Variants in CCKBR observed in about 807,000 individuals in gnomAD.
The protein encoded by CCKBR is gastrin/cholecystokinin type B receptor.
Under a neutral mutation model 34.6 loss-of-function variants are expected in CCKBR, and 33 were observed. The ratio of observed to expected loss-of-function variants is 0.95; its 90% confidence interval spans 0.72 to 1.27. The LOEUF (loss-of-function observed/expected upper bound fraction) is 1.27, where lower values mean the gene tolerates loss of function less well. CCKBR is among the 50% of genes most tolerant of loss of function. The pLI is 0.00. For missense variants in CCKBR, 652 were observed against 617.4 expected, an observed-to-expected ratio of 1.06 and a Z score of -0.59; for synonymous variants, 269 against 267.5, an observed-to-expected ratio of 1.01 and a Z score of -0.06.
At position 6,271,600 on chromosome 11, in the gene CCKBR, A is replaced by G; in HGVS notation, c.*57A>G. ...GCAAATGACATGCACTGACCCTTCC[A>G]GACATACGAAACACAAACCACAACT... On this transcript the variant is annotated 3_prime_UTR_variant, in exon 5 of 5. Transcript: ENST00000334619. 6.8e-7 allele frequency: 1 copy of G among 1,470,424 alleles called. No individual in the cohort carries two copies. Among genetic ancestry groups the G allele is most frequent in the South Asian group, 1.3e-5 (1 of 74,796 alleles). The allele number at this position is 1,470,424 out of a possible 1,614,324, so 91.1% of individuals were successfully genotyped here. A position where few individuals can be genotyped will look rare whatever the true frequency, so the allele number is the denominator to read the frequency against.
chr11:6,271,916 CTGAT>C lies in CCKBR; in HGVS notation c.*375_*378del. 1 of 223,872 alleles carries C rather than the reference CTGAT, an allele frequency of 4.5e-6. No homozygotes were observed. The highest frequency in any genetic ancestry group is 1.3e-4 in the South Asian group (1 of 7,520). 13.9% of individuals were successfully genotyped at this position (223,872 alleles called of 1,614,324 possible). ...AGAGACTATGGAGCCTGGCACAGGACTGATTCTGGGATGCTCCTAGTTTGACCTC... is the reference window on the plus strand; with the variant it reads ...AGAGACTATGGAGCCTGGCACAGGACTCTGGGATGCTCCTAGTTTGACCTC... On this transcript the variant is annotated 3_prime_UTR_variant, in exon 5 of 5. Coordinates refer to ENST00000334619, the MANE Select transcript of CCKBR (RefSeq NM_176875.4).
At chr11:6,268,527 C>T (rs1330236974) in intron 1 of CCKBR, among the ~76,000 whole-genome samples, 1 of 152,222 alleles carries the variant, frequency 6.6e-6, no homozygotes, top group African/African-American at 2.4e-5. Context: ...CTGCCTCACA[C>T]AGGTGTCCCT....
intron 1 of CCKBR, among the ~76,000 whole-genome samples, chr11:6,267,733 T>C (rs1590669906): frequency 6.6e-6 from 1 of 152,230 alleles, no homozygotes; most frequent in Non-Finnish European, 1.5e-5. Flanking sequence ...ACAGTAGGTT[T>C]GTTTATACCA....
rs573835273 is a variant in CCKBR at position 6,271,513 on chromosome 11, C to T, written c.1314C>T (p.Tyr438=). The change falls in exon 5 of 5, where the codon TAC becomes TAT. Residue 438 remains tyrosine (Y), a synonymous_variant. Transcript: ENST00000334619. ...TTGCTTCGCTGTCCAGGCTTAGCTA[C>T]ACCACCATCAGCACACTGGGCCCTG... is the stretch of plus-strand genomic sequence containing the variant. ...PSIASLSRLS[Y]TTISTLGPG The T allele has an allele frequency of 3.1e-6, 5 of 1,605,116 alleles. No homozygotes were observed. Among genetic ancestry groups the T allele is most frequent in the Admixed American group, 1.7e-5 (1 of 59,728 alleles).
At chr11:6,263,110 T>C (rs1848161278) in intron 1 of CCKBR, among the ~76,000 whole-genome samples, 1 of 152,224 alleles carries the variant, frequency 6.6e-6, no homozygotes, top group Non-Finnish European at 1.5e-5. Flanking sequence ...TTCACTCCAA[T>C]GTTACCAATA....
At position 6,271,121 on chromosome 11, in the gene CCKBR, G is replaced by GCGCTGA. The variant is rs745569675; in HGVS notation, c.925_930dup (p.Leu309_Thr310dup). The GCGCTGA allele has an allele frequency of 6.2e-7, 1 of 1,613,864 alleles. No individual in the cohort carries two copies. Among genetic ancestry groups the GCGCTGA allele is most frequent in the African/African-American group, 1.3e-5 (1 of 74,934 alleles). ...TTCCCGGCCTGCCCTGGAGCTGACGGCGCTGACGGCTCCTGGGCCGGGATC... is the reference window on the plus strand; with the variant it reads ...TTCCCGGCCTGCCCTGGAGCTGACGGCGCTGACGCTGACGGCTCCTGGGCCGGGATC... On this transcript the variant is annotated inframe_insertion, in exon 5 of 5. Coordinates refer to ENST00000334619, the MANE Select transcript of CCKBR (RefSeq NM_176875.4).
chr11:6,264,631 C>T, intron 1 of CCKBR: 1 of 678,002 alleles, frequency 1.5e-6, no homozygotes, highest in Non-Finnish European at 2.7e-6. Context: ...TGTACCCCAG[C>T]AGGTGCTATC....
chr11:6,266,285 G>A (rs1440418684), intron 1 of CCKBR, among the ~76,000 whole-genome samples: 1 of 152,106 alleles, frequency 6.6e-6, no homozygotes, highest in East Asian at 1.9e-4. Flanking sequence ...GAGGTCGGGA[G>A]TTCGAGACCA....
In CCKBR at chr11:6,270,692, ATGGCCG is replaced by A; in HGVS notation, c.706_711del (p.Val236_Ala237del). 2 of 1,613,802 alleles carry A rather than the reference ATGGCCG, an allele frequency of 1.2e-6. No individual in the cohort carries two copies. The highest frequency in any genetic ancestry group is 8.5e-7 in the Non-Finnish European group (1 of 1,179,748). ...CTTGTTCTTCATCCCGGGTGTGGTT[ATGGCCG>A]TGGCCTACGGGCTTATCTCTCGCGA... On this transcript the variant is annotated inframe_deletion, in exon 4 of 5. Coordinates refer to ENST00000334619, the MANE Select transcript of CCKBR (RefSeq NM_176875.4).
intron 1 of CCKBR, chr11:6,264,425 T>C (rs1848180077): frequency 6.5e-6 from 4 of 612,058 alleles, no homozygotes; most frequent in South Asian, 5.5e-5. Context: ...TTTCATTTTA[T>C]GTCACGTTGT....
rs1179882362 is a variant in CCKBR at position 6,270,683 on chromosome 11, G to GGT, written c.695_696dup (p.Val233TrpfsTer16). 14 of 1,612,406 alleles carry GGT rather than the reference G, an allele frequency of 8.7e-6. No homozygotes were observed. The highest frequency in any genetic ancestry group is 1.2e-5 in the Non-Finnish European group (14 of 1,178,660). ...GCTTCTGCTCTTGTTCTTCATCCCG[G>GGT]GTGTGGTTATGGCCGTGGCCTACGG... On this transcript the variant is annotated frameshift_variant, in exon 4 of 5. Coordinates refer to ENST00000334619, the MANE Select transcript of CCKBR (RefSeq NM_176875.4). LOFTEE classifies it high-confidence loss of function.
intron 3 of CCKBR, 110 bp from the exon 4 acceptor site, chr11:6,270,536 C>A: frequency 7.1e-7 from 1 of 1,414,156 alleles, no homozygotes; most frequent in Non-Finnish European, 9.6e-7. Context: ...AAATCCTACT[C>A]CTACTTCAGG....
Position 6,270,322 on chromosome 11 carries a change from G to C in CCKBR, c.638G>C (p.Arg213Pro). 6.2e-6 allele frequency: 10 copies of C among 1,612,170 alleles called. No homozygotes were observed. Among genetic ancestry groups the C allele is most frequent in the Non-Finnish European group, 8.5e-6 (10 of 1,179,368 alleles). ...TGCGTGCATCGCTGGCCCAGTGCGC[G>C]GGTCCGCCAGACCTGGTGAGCTTGC... ...LQCVHRWPSA[R>P]VRQTWSVLLL... Residue 213 changes from arginine (R) to proline (P), a missense_variant, in exon 3 of 5, where the codon CGG (arginine) becomes CCG (proline). Coordinates refer to ENST00000334619, the MANE Select transcript of CCKBR (RefSeq NM_176875.4).
At position 6,269,687 on chromosome 11, in the gene CCKBR, G is replaced by C; in HGVS notation, c.170G>C (p.Arg57Thr). The change falls in exon 2 of 5, where the codon AGA becomes ACA. Residue 57 changes from arginine (R) to threonine (T), a missense_variant. By Grantham distance (71) the Arg-to-Thr change is moderately conservative. Transcript: ENST00000334619. ...AGTRELELAIRITLYAVIFLM... is the reference protein window; with the variant it reads ...AGTRELELAITITLYAVIFLM... ...TACCCAGAATTGGAGCTGGCCATTA[G>C]AATCACTCTTTACGCAGTGATCTTC... The C allele has an allele frequency of 6.2e-7, 1 of 1,613,806 alleles. No individual in the cohort carries two copies. The highest frequency in any genetic ancestry group is 8.5e-7 in the Non-Finnish European group (1 of 1,180,016).
chr11:6,270,525 CA>C, intron 3 of CCKBR, 120 bp from the exon 4 acceptor site: 1 of 1,388,618 alleles, frequency 7.2e-7, no homozygotes. Context: ...GCGGCACCCC[CA>C]AATCCTACTC....
At chr11:6,261,167 C>A (rs1314728726) in intron 1 of CCKBR, among the ~76,000 whole-genome samples, 1 of 152,024 alleles carries the variant, frequency 6.6e-6, no homozygotes, top group African/African-American at 2.4e-5. Context: ...ATTTATTGAA[C>A]CAGAGATTGT....
chr11:6,266,128 A>T (rs1324711322), intron 1 of CCKBR, among the ~76,000 whole-genome samples: 1 of 152,124 alleles, frequency 6.6e-6, no homozygotes, highest in Non-Finnish European at 1.5e-5. Context: ...ATACTAATAC[A>T]GTGAAAAATG....
chr11:6,264,648 C>A, intron 1 of CCKBR: 1 of 654,544 alleles, frequency 1.5e-6, no homozygotes, highest in Non-Finnish European at 2.8e-6. Flanking sequence ...TATCTCCCAT[C>A]CTTCTACCCA....
At chr11:6,268,289 A>C (rs1031295255) in intron 1 of CCKBR, among the ~76,000 whole-genome samples, 2 of 152,190 alleles carry the variant, frequency 1.3e-5, no homozygotes, top group Non-Finnish European at 2.9e-5. Context: ...AGGGGGCTGC[A>C]GCTTTGAGGC....
Sources: gnomAD v4.1 joint callset for allele counts (sites outside exome capture counted in the v4.1 genomes callset) on GRCh38, gnomAD v4.1.1 for gene constraint, MANE v1.5 for transcripts, NCBI Gene and HGNC (gene_info 2026-07-23, HGNC 2026-07-21) for gene names.